The following ACBD6 variants were observed in gnomAD, a reference collection of about 807,000 sequenced individuals.
The protein encoded by ACBD6 is acyl-CoA-binding domain-containing protein 6.
A neutral mutation model predicts 37.2 loss-of-function variants in ACBD6; 28 were observed. The ratio of observed to expected loss-of-function variants is 0.75; its 90% CI spans 0.56 to 1.03. ACBD6 has a LOEUF of 1.03. Ranked by LOEUF, ACBD6 falls within the 50% of genes least tolerant of loss-of-function variation. The probability of loss-of-function intolerance (pLI) is 0.00; values close to 1 mark genes in which losing one functional copy is unlikely to be tolerated. For synonymous variants in ACBD6, 113 were observed against 126.8 expected (o/e 0.89, Z 0.73); for missense variants, 340 against 337.4 (o/e 1.01, Z -0.06).
At position 180,274,663 on chromosome 1, in the gene ACBD6, G is replaced by A. The variant is rs577330480; in HGVS notation, c.*924C>T. 44 of 1,414,712 alleles carry A rather than the reference G, an allele frequency of 3.1e-5. No homozygotes were observed. In the African/African-American group the frequency reaches 3.7e-4, roughly 12 times the overall value. 87.6% of individuals were successfully genotyped at this position (1,414,712 alleles called of 1,614,324 possible). ...AAAAGAGACTTGCCTTTTAAGGATC[G>A]AAAGTACGCCAATGTGAATTTCCAT... is the stretch of plus-strand genomic sequence containing the variant. On this transcript the variant is annotated 3_prime_UTR_variant, in exon 10 of 14. Transcript: ENST00000642319.
rs190994939 is a variant in ACBD6, at chr1:180,352,115, G to A, written c.664-37393C>T. Among the ~76,000 whole-genome samples, 183 of 152,244 alleles carry A rather than the reference G, an allele frequency of 1.2e-3. No homozygotes were observed. In the Middle Eastern group the frequency reaches 0.017, roughly 14 times the overall value. ...GTCAAATTCAGAGAGACAGAAAGTA[G>A]AATTATGGTGGCCAGGAGGCGGGGT... On this transcript the variant is annotated intron_variant, in intron 6 of 7. Coordinates refer to ENST00000367595, the MANE Select transcript of ACBD6 (RefSeq NM_032360.4).
intron 6 of ACBD6, among the ~76,000 whole-genome samples, chr1:180,319,582 C>T (rs1188098775): frequency 6.6e-6 from 1 of 152,158 alleles, no homozygotes; most frequent in Non-Finnish European, 1.5e-5. Context: ...GTTATGCTAT[C>T]AAATATTAGG....
At chr1:180,461,695 T>G (rs982226002) in intron 3 of ACBD6, among the ~76,000 whole-genome samples, 6 of 152,158 alleles carry the variant, frequency 3.9e-5, no homozygotes, top group East Asian at 1.9e-4. Context: ...AATAAGATCC[T>G]TTTCAGAAAA....
intron 9 of ACBD6, among the ~76,000 whole-genome samples, chr1:180,279,973 A>G (rs1328770189): frequency 6.6e-6 from 1 of 152,212 alleles, no homozygotes; most frequent in East Asian, 1.9e-4. Context: ...GCACTGTCCA[A>G]TATGGTAGCT....
chr1:180,328,230 C>CACACATATATGTATATATACATATATAT (rs1558251498), intron 6 of ACBD6, among the ~76,000 whole-genome samples: 1 of 151,752 alleles, frequency 6.6e-6, no homozygotes, highest in African/African-American at 2.4e-5. Context: ...TACATATATA[C>CACACATATATGTATATATACATATATAT]ACACATATAT....
intron 4 of ACBD6, among the ~76,000 whole-genome samples, chr1:180,417,018 A>G (rs1270858684): frequency 6.6e-6 from 1 of 152,244 alleles, no homozygotes; most frequent in Non-Finnish European, 1.5e-5. Flanking sequence ...TAAATAGACA[A>G]TGAATAAGTA....
intron 6 of ACBD6, among the ~76,000 whole-genome samples, chr1:180,321,202 T>C (rs960793316): frequency 1.3e-5 from 2 of 152,218 alleles, no homozygotes; most frequent in African/African-American, 2.4e-5. Context: ...AGTTTTGTAG[T>C]ATAATTTGCA....
intron 7 of ACBD6, among the ~76,000 whole-genome samples, chr1:180,291,859 G>A (rs1649721613): frequency 6.6e-6 from 1 of 152,002 alleles, no homozygotes; most frequent in African/African-American, 2.4e-5. Context: ...TTTTTGAGTA[G>A]GCTTCAGGCT....
chr1:180,363,005 T>C (rs906141327), intron 6 of ACBD6, among the ~76,000 whole-genome samples: 2 of 152,186 alleles, frequency 1.3e-5, no homozygotes, highest in Non-Finnish European at 2.9e-5. Context: ...TCTGAATTCT[T>C]GCATTCCTAG....
chr1:180,308,375 G>A (rs2149287945), intron 7 of ACBD6, among the ~76,000 whole-genome samples: 1 of 152,148 alleles, frequency 6.6e-6, no homozygotes, highest in East Asian at 1.9e-4. Context: ...ATTCTCAGTG[G>A]GGCTTCATTC....
At chr1:180,320,283 A>G (rs1237716154) in intron 6 of ACBD6, among the ~76,000 whole-genome samples, 1 of 152,140 alleles carries the variant, frequency 6.6e-6, no homozygotes, top group Non-Finnish European at 1.5e-5. Flanking sequence ...CATATAACTG[A>G]TTGCCATTTT....
rs201604947 is a variant in ACBD6, at chr1:180,318,170, C to CG, written c.664-3449_664-3448insC. On this transcript the variant is annotated intron_variant, in intron 6 of 7. Transcript: ENST00000367595. ...GAGTAAGATTCCATCTCCGCCCCCC[C>CG]CCCCCAAAAAAAAAAGAAAGAAAGA... Among the ~76,000 whole-genome samples the CG allele has an allele frequency of 2.3e-4, 22 of 93,706 alleles. 4 individuals are homozygous for CG. The highest frequency in any genetic ancestry group is 6.2e-4 in the African/African-American group (9 of 14,624). 61.5% of individuals were successfully genotyped at this position (93,706 alleles called of 152,430 possible).
chr1:180,342,308 A>AT (rs1017605388), intron 6 of ACBD6, among the ~76,000 whole-genome samples: 2 of 152,068 alleles, frequency 1.3e-5, no homozygotes, highest in African/African-American at 4.8e-5. Context: ...AGATATCAAG[A>AT]TTTTTCAACT....
intron 9 of ACBD6, among the ~76,000 whole-genome samples, chr1:180,280,468 C>T (rs1485964527): frequency 6.6e-6 from 1 of 152,164 alleles, no homozygotes; most frequent in African/African-American, 2.4e-5. Flanking sequence ...GTGACTTAAC[C>T]TAAGTCCTAC....
intron 3 of ACBD6, among the ~76,000 whole-genome samples, chr1:180,440,860 T>C (rs1009517307): frequency 4.6e-5 from 7 of 152,254 alleles, no homozygotes; most frequent in African/African-American, 1.2e-4. Flanking sequence ...GGCTCATCTA[T>C]ATTATAGCAT....
chr1:180,453,420 A>G (rs997648713), intron 3 of ACBD6, among the ~76,000 whole-genome samples: 1 of 152,246 alleles, frequency 6.6e-6, no homozygotes, highest in East Asian at 1.9e-4. Flanking sequence ...GCTATTTATT[A>G]CAAACCCACA....
chr1:180,371,053 G>T lies in ACBD6; in HGVS notation c.663+26463C>A, dbSNP rs191188085. ...TTCACTTTATTTTGACAAACTAACT[G>T]AAAATTGATAAACTGAAAATTTATC... On this transcript the variant is annotated intron_variant, in intron 6 of 7. Transcript: ENST00000367595. 3.9e-3 allele frequency among the ~76,000 whole-genome samples: 593 copies of T among 151,980 alleles called. 5 individuals carry two copies. Among genetic ancestry groups the T allele is most frequent in the African/African-American group, 0.014 (563 of 41,498 alleles).
chr1:180,420,844 G>A (rs1488677006), intron 4 of ACBD6, among the ~76,000 whole-genome samples: 2 of 152,142 alleles, frequency 1.3e-5, no homozygotes, highest in African/African-American at 4.8e-5. Context: ...AAACCCGCCT[G>A]AATTTGCAGA....
chr1:180,411,302 T>C (rs1321418137), intron 5 of ACBD6, among the ~76,000 whole-genome samples: 8 of 152,218 alleles, frequency 5.3e-5, no homozygotes. Flanking sequence ...GTGGCAGGGT[T>C]TGAAAGGATT....
Sources: gnomAD v4.1 joint callset for allele counts (sites outside exome capture counted in the v4.1 genomes callset) on GRCh38, gnomAD v4.1.1 for gene constraint, MANE v1.5 for transcripts, NCBI Gene and HGNC (gene_info 2026-07-23, HGNC 2026-07-21) for gene names.